The following KAT2B variants were observed in gnomAD, a reference collection of about 807,000 sequenced individuals.
KAT2B encodes histone acetyltransferase KAT2B.
In KAT2B, 36 loss-of-function variants were observed where a neutral mutation model predicts 105.9. The ratio of observed to expected loss-of-function variants is 0.34; its 90% CI spans 0.26 to 0.45. KAT2B has a LOEUF of 0.45. Among genes scored for constraint, KAT2B ranks in the 20% least tolerant of loss-of-function variants. The pLI, the probability that KAT2B is intolerant of heterozygous loss-of-function variation, is 1.00. For missense variants in KAT2B, 820 were observed against 1,021.6 expected (o/e 0.80, Z 2.69); for synonymous variants, 397 against 377.9 (o/e 1.05, Z -0.59).
intron 2 of KAT2B, among the ~76,000 whole-genome samples, chr3:20,084,898 A>G (rs1445661631): frequency 6.6e-6 from 1 of 152,220 alleles, no homozygotes; most frequent in East Asian, 1.9e-4. Context: ...AAAGTAAGCT[A>G]CTATTTCAAA....
chr3:20,065,360 T>C (rs1000866994), intron 1 of KAT2B, among the ~76,000 whole-genome samples: 18 of 152,130 alleles, frequency 1.2e-4, no homozygotes, highest in Non-Finnish European at 1.5e-4. Context: ...CCAACTCCCT[T>C]GGGAGTTCCC....
chr3:20,125,812 A>ATT, intron 9 of KAT2B, 93 bp from the exon 10 acceptor site: 1 of 1,024,730 alleles, frequency 9.8e-7, no homozygotes, highest in African/African-American at 1.6e-5. Flanking sequence ...TGTGTATCTT[A>ATT]TTAGAACAAA....
At chr3:20,133,449 T>C (rs997401553) in intron 11 of KAT2B, among the ~76,000 whole-genome samples, 3 of 152,204 alleles carry the variant, frequency 2.0e-5, no homozygotes, top group Admixed American at 6.5e-5. Context: ...TTGGATAGCA[T>C]AGATAAAGAA....
intron 2 of KAT2B, among the ~76,000 whole-genome samples, chr3:20,079,857 C>T (rs17796904): frequency 0.082 from 12,479 of 152,120 alleles, 658 homozygotes; most frequent in Admixed American, 0.14. Context: ...TTTCAGATGC[C>T]GGTTTCAGAG....
intron 1 of KAT2B, among the ~76,000 whole-genome samples, chr3:20,070,280 A>G (rs1357142923): frequency 1.3e-5 from 2 of 150,986 alleles, no homozygotes; most frequent in Admixed American, 6.6e-5. Flanking sequence ...TACCTTGCCA[A>G]TCGTTTATTC....
chr3:20,132,170 T>G (rs1699522217), intron 11 of KAT2B, among the ~76,000 whole-genome samples: 1 of 151,748 alleles, frequency 6.6e-6, no homozygotes. Context: ...AGGTTGGGAG[T>G]TTGAGACCAG....
chr3:20,106,477 T>TCA (rs1350473157), intron 5 of KAT2B, among the ~76,000 whole-genome samples: 1 of 151,238 alleles, frequency 6.6e-6, no homozygotes, highest in South Asian at 2.1e-4. Flanking sequence ...TCTGTCTCTC[T>TCA]CACACACACA....
intron 11 of KAT2B, among the ~76,000 whole-genome samples, chr3:20,131,161 G>C (rs1429378241): frequency 6.6e-6 from 1 of 151,748 alleles, no homozygotes; most frequent in Non-Finnish European, 1.5e-5. Flanking sequence ...GATTACAGGT[G>C]TCAGCCACCA....
intron 1 of KAT2B, among the ~76,000 whole-genome samples, chr3:20,064,233 A>T (rs1698187722): frequency 6.6e-6 from 1 of 152,222 alleles, no homozygotes; most frequent in Non-Finnish European, 1.5e-5. Context: ...CCTAATAATT[A>T]TACATATTGA....
chr3:20,075,820 T>C (rs539743546), intron 2 of KAT2B, among the ~76,000 whole-genome samples: 1 of 149,814 alleles, frequency 6.7e-6, no homozygotes, highest in African/African-American at 2.5e-5. Context: ...GACTGAGGCA[T>C]GAGAATCGAT....
chr3:20,126,171 G>C, intron 10 of KAT2B, 58 bp downstream of exon 10: 1 of 1,412,100 alleles, frequency 7.1e-7, no homozygotes, highest in Non-Finnish European at 9.8e-7. Context: ...AAGAGGAACT[G>C]CTTAGATAGT....
chr3:20,059,476 G>A lies in KAT2B; in HGVS notation c.304-12857G>A, dbSNP rs191346467. 1.2e-4 allele frequency among the ~76,000 whole-genome samples: 18 copies of A among 150,194 alleles called. No homozygotes were observed. The Admixed American group carries it at 1.2e-3, about 10-fold the overall frequency. On this transcript the variant is annotated intron_variant, in intron 1 of 17. Transcript: ENST00000263754. ...CTCACGCTTGTAATCCCAGCACTTTGGGAGGCCGAGGCAGGTGGATCACGA... is the reference window on the plus strand; with the variant it reads ...CTCACGCTTGTAATCCCAGCACTTTAGGAGGCCGAGGCAGGTGGATCACGA...
At chr3:20,062,231 T>C (rs1278185416) in intron 1 of KAT2B, among the ~76,000 whole-genome samples, 3 of 50,238 alleles carry the variant, frequency 6.0e-5, no homozygotes, top group Non-Finnish European at 1.1e-4. Flanking sequence ...TATAAAAATA[T>C]ATATAAAATA....
At chr3:20,121,051 G>A (rs1299833977) in intron 8 of KAT2B, among the ~76,000 whole-genome samples, 3 of 151,942 alleles carry the variant, frequency 2.0e-5, no homozygotes, top group East Asian at 1.9e-4. Flanking sequence ...CCCCAGCTAC[G>A]AAATAAATAG....
intron 2 of KAT2B, among the ~76,000 whole-genome samples, chr3:20,079,869 T>C (rs559520739): frequency 6.6e-6 from 1 of 152,264 alleles, no homozygotes; most frequent in African/African-American, 2.4e-5. Context: ...GTTTCAGAGT[T>C]TTCAGGAGCT....
intron 1 of KAT2B, among the ~76,000 whole-genome samples, chr3:20,056,185 A>T (rs1194105976): frequency 6.6e-6 from 1 of 152,178 alleles, no homozygotes; most frequent in Non-Finnish European, 1.5e-5. Flanking sequence ...GTATGAGTAG[A>T]TGGTGTCTTG....
At chr3:20,121,778 GTGTGTA>G (rs1484239493) in intron 8 of KAT2B, among the ~76,000 whole-genome samples, 5 of 138,800 alleles carry the variant, frequency 3.6e-5, no homozygotes, top group Non-Finnish European at 6.2e-5. Context: ...GTGTGTGTGT[GTGTGTA>G]TAGCCAAGCC....
intron 2 of KAT2B, among the ~76,000 whole-genome samples, chr3:20,080,792 G>A (rs968583233): frequency 2.6e-5 from 4 of 152,222 alleles, no homozygotes; most frequent in African/African-American, 9.6e-5. Context: ...AGTACAAGAA[G>A]AGGAATGTAA....
chr3:20,053,526 C>A (rs1354222138), intron 1 of KAT2B, among the ~76,000 whole-genome samples: 2 of 152,028 alleles, frequency 1.3e-5, no homozygotes, highest in Admixed American at 1.3e-4. Flanking sequence ...CAGAGTGAGA[C>A]CCTGTCTCAA....
Sources: allele counts gnomAD v4.1 joint callset (sites outside exome capture counted in the v4.1 genomes callset), GRCh38; gene constraint gnomAD v4.1.1; transcripts MANE v1.5; gene names NCBI Gene and HGNC (gene_info 2026-07-23, HGNC 2026-07-21).